The following RALGAPA1 variants were observed in gnomAD, a reference collection of about 807,000 sequenced individuals.
RALGAPA1 encodes the protein ral GTPase-activating protein subunit alpha-1.
RALGAPA1 carries 52 observed loss-of-function variants against 269.6 expected under a neutral mutation model. That is an observed-to-expected ratio of 0.19 (90% CI 0.15 to 0.24). RALGAPA1 has a LOEUF of 0.24. Among genes scored for constraint, RALGAPA1 ranks in the 10% least tolerant of loss-of-function variants. The pLI, the probability that RALGAPA1 is intolerant of heterozygous loss-of-function variation, is 1.00. For missense variants in RALGAPA1, 1,917 were observed against 3,013.9 expected, an observed-to-expected ratio of 0.64 and a Z score of 8.52; for synonymous variants, 817 against 1,008.3, an observed-to-expected ratio of 0.81 and a Z score of 3.60.
intron 22 of RALGAPA1, 139 bp from the exon 23 acceptor site, chr14:35,674,848 G>A (rs570377035): frequency 2.1e-4 from 110 of 526,592 alleles, no homozygotes; most frequent in African/African-American, 6.8e-4. Flanking sequence ...ATTTTTTCCC[G>A]ATAAGGTCAA....
At chr14:35,563,814 A>G (rs754414875) in intron 39 of RALGAPA1, among the ~76,000 whole-genome samples, 10 of 152,110 alleles carry the variant, frequency 6.6e-5, no homozygotes, top group Non-Finnish European at 5.9e-5. Context: ...TCTAATGCAA[A>G]GCCTATATTT....
chr14:35,640,416 G>A (rs139059739), intron 31 of RALGAPA1, among the ~76,000 whole-genome samples: 25 of 152,050 alleles, frequency 1.6e-4, no homozygotes, highest in African/African-American at 5.8e-4. Context: ...ATTAAAAACC[G>A]ATACAGCAGA....
intron 1 of RALGAPA1, among the ~76,000 whole-genome samples, chr14:35,793,773 T>C (rs912346826): frequency 5.9e-5 from 9 of 152,252 alleles, no homozygotes; most frequent in Admixed American, 5.9e-4. Context: ...ATGGCTGTAA[T>C]CAGCTCATCT....
intron 39 of RALGAPA1, among the ~76,000 whole-genome samples, chr14:35,565,962 T>G (rs774486753): frequency 6.6e-6 from 1 of 151,990 alleles, no homozygotes; most frequent in South Asian, 2.1e-4. Context: ...AAAAAAACCA[T>G]GAACACTCTT....
intron 31 of RALGAPA1, among the ~76,000 whole-genome samples, chr14:35,644,442 C>T (rs2062248895): frequency 6.6e-6 from 1 of 152,050 alleles, no homozygotes; most frequent in African/African-American, 2.4e-5. Flanking sequence ...AAAAAAGTGA[C>T]CTGAACTGAA....
At chr14:35,625,305 C>A in intron 35 of RALGAPA1, 56 bp downstream of exon 35, 1 of 1,131,974 alleles carries the variant, frequency 8.8e-7, no homozygotes, top group South Asian at 1.3e-5. Context: ...CAGTATTATT[C>A]TAAAAGAGAA....
chr14:35,681,632 T>C (rs1217657872), intron 21 of RALGAPA1, among the ~76,000 whole-genome samples: 4 of 152,210 alleles, frequency 2.6e-5, no homozygotes, highest in Admixed American at 6.5e-5. Context: ...GTATTAAAAT[T>C]TGTTTTACAG....
intron 18 of RALGAPA1, among the ~76,000 whole-genome samples, chr14:35,686,990 T>C (rs1316051732): frequency 6.6e-6 from 1 of 152,240 alleles, no homozygotes; most frequent in East Asian, 1.9e-4. Context: ...ATGTTTCTTT[T>C]TAGAGCCTTA....
At chr14:35,593,124 G>A (rs901415076) in intron 37 of RALGAPA1, among the ~76,000 whole-genome samples, 15 of 152,138 alleles carry the variant, frequency 9.9e-5, no homozygotes, top group African/African-American at 3.4e-4. Flanking sequence ...CACAAAAACA[G>A]TGTTACAACT....
chr14:35,734,744 G>C (rs1269098930), intron 12 of RALGAPA1, among the ~76,000 whole-genome samples: 1 of 152,082 alleles, frequency 6.6e-6, no homozygotes, highest in Non-Finnish European at 1.5e-5. Flanking sequence ...AAAAGGAATA[G>C]TCAGCAGAGT....
Position 35,717,418 on chromosome 14 carries a change from G to C in RALGAPA1, c.2266+4270C>G, listed in dbSNP as rs143223174. 4.4e-3 allele frequency among the ~76,000 whole-genome samples: 665 copies of C among 152,258 alleles called. 5 individuals carry two copies. The highest frequency in any genetic ancestry group is 0.015 in the African/African-American group (637 of 41,540). On this transcript the variant is annotated intron_variant, in intron 16 of 41. Transcript: ENST00000680220. ...GCCCGCCTCGGCCTCCCAAAGTTCT[G>C]GGATTACAGGCGTGAGCCACTGCGC...
At chr14:35,557,098 ATG>A (rs56835063) in intron 39 of RALGAPA1, among the ~76,000 whole-genome samples, 1,430 of 142,474 alleles carry the variant, frequency 0.01, 7 homozygotes, top group East Asian at 0.02. Context: ...TCCAATATGT[ATG>A]TGTGTGTGTG....
chr14:35,547,540 C>A (rs1215494035), intron 41 of RALGAPA1, among the ~76,000 whole-genome samples: 1 of 152,110 alleles, frequency 6.6e-6, no homozygotes, highest in Non-Finnish European at 1.5e-5. Flanking sequence ...ATAGGATACA[C>A]AAGTGTTATT....
intron 31 of RALGAPA1, among the ~76,000 whole-genome samples, chr14:35,638,003 T>A (rs976737413): frequency 6.6e-6 from 1 of 152,138 alleles, no homozygotes; most frequent in African/African-American, 2.4e-5. Flanking sequence ...AAATACAGAC[T>A]TTCCCAGACA....
At chr14:35,764,144 A>G (rs976129655) in intron 4 of RALGAPA1, among the ~76,000 whole-genome samples, 1 of 150,944 alleles carries the variant, frequency 6.6e-6, no homozygotes, top group Non-Finnish European at 1.5e-5. Context: ...AGGCTGGAAA[A>G]TAGTGGTGCA....
chr14:35,666,104 C>G (rs2063909368), intron 26 of RALGAPA1, among the ~76,000 whole-genome samples: 1 of 151,904 alleles, frequency 6.6e-6, no homozygotes, highest in Non-Finnish European at 1.5e-5. Flanking sequence ...CAACCTCCAC[C>G]TCCCAGGGTC....
In RALGAPA1 at chr14:35,706,240, A is replaced by C. The variant is rs567101427; in HGVS notation, c.2267-5938T>G. 2.2e-4 allele frequency among the ~76,000 whole-genome samples: 34 copies of C among 152,262 alleles called. No individual in the cohort carries two copies. The South Asian group carries it at 7.0e-3, about 32-fold the overall frequency. ...CCCAAGGTGTCCTAGACTTTCTCCT[A>C]TGTTGTCTTCTAGGTGTTTTATACT... On this transcript the variant is annotated intron_variant, in intron 16 of 41. Transcript: ENST00000680220.
intron 39 of RALGAPA1, among the ~76,000 whole-genome samples, chr14:35,557,136 G>GTATA (rs1555355540): frequency 3.4e-5 from 5 of 148,106 alleles, no homozygotes; most frequent in East Asian, 2.0e-4. Context: ...GTGTGTGTGT[G>GTATA]TATATATATT....
chr14:35,609,869 A>T (rs954430270), intron 35 of RALGAPA1, among the ~76,000 whole-genome samples: 1 of 150,730 alleles, frequency 6.6e-6, no homozygotes, highest in African/African-American at 2.4e-5. Context: ...TCCAGGCTGC[A>T]GTGACCCATG....
Sources: allele counts gnomAD v4.1 joint callset (sites outside exome capture counted in the v4.1 genomes callset), GRCh38; gene constraint gnomAD v4.1.1; transcripts MANE v1.5; gene names NCBI Gene and HGNC (gene_info 2026-07-23, HGNC 2026-07-21).